POLG: variants seen among roughly 807,000 people sequenced by gnomAD.
POLG encodes DNA polymerase subunit gamma-1.
POLG carries 110 observed loss-of-function variants against 155.4 expected under a neutral mutation model. The observed-to-expected ratio is 0.71, with a 90% CI of 0.61 to 0.83. The LOEUF (loss-of-function observed/expected upper bound fraction) is 0.83, where lower values mean the gene tolerates loss of function less well. POLG is among the 40% of genes least tolerant of loss of function. POLG has a pLI of 0.00. For missense variants in POLG, 1,685 were observed against 1,627.5 expected, an observed-to-expected ratio of 1.04 and a Z score of -0.61; for synonymous variants, 701 against 631.5, an observed-to-expected ratio of 1.11 and a Z score of -1.65.
intron 10 of POLG, among the ~76,000 whole-genome samples, chr15:89,325,181 AGTGAGTGAGT>A (rs1169762322): frequency 1.1e-5 from 1 of 90,382 alleles, no homozygotes; most frequent in African/African-American, 4.7e-5. Flanking sequence ...AGAGTGAGAG[AGTGAGTGAGT>A]GAGAGAGTGA....
rs1057524724 is a variant in POLG, at chr15:89,333,374, C to A, written c.381G>T (p.Leu127=). The change falls in exon 2 of 23, where the codon CTG becomes CTT. Residue 127 remains leucine (L), a synonymous_variant. Coordinates refer to ENST00000268124, the MANE Select transcript of POLG (RefSeq NM_002693.3). ...AVPLPDVELR[L]PPLYGDNLDQ... is the part of the protein sequence containing the mutation. ...CCAGGTTGTCCCCGTAGAGGGGCGG[C>A]AGGCGCAGCTCCACGTCGGGCAAGG... The A allele has an allele frequency of 7.0e-6, 11 of 1,579,008 alleles. No homozygotes were observed. The highest frequency in any genetic ancestry group is 8.6e-6 in the Non-Finnish European group (10 of 1,165,590).
Position 89,316,501 on chromosome 15 carries a change from C to A in POLG, c.*250G>T. ...AATGTGAACTTTGGGGCTTCTGCTT[C>A]ATTTTTACCCAACAAGCAACAATGC... On this transcript the variant is annotated 3_prime_UTR_variant, in exon 23 of 23. Transcript: ENST00000268124. 2 of 1,568,064 alleles carry A rather than the reference C, an allele frequency of 1.3e-6. No individual in the cohort carries two copies. Among genetic ancestry groups the A allele is most frequent in the Non-Finnish European group, 1.7e-6 (2 of 1,150,144 alleles).
chr15:89,319,616 TC>T (rs1410196816), intron 18 of POLG, among the ~76,000 whole-genome samples: 1 of 152,068 alleles, frequency 6.6e-6, no homozygotes, highest in Non-Finnish European at 1.5e-5. Flanking sequence ...GGACAAAGAC[TC>T]CAGCACAGGA....
At position 89,325,532 on chromosome 15, in the gene POLG, A is replaced by G. The variant is rs548491099; in HGVS notation, c.1867T>C (p.Leu623=). 2.3e-5 allele frequency: 37 copies of G among 1,612,940 alleles called. No individual in the cohort carries two copies. In the East Asian group the frequency reaches 5.3e-4, roughly 23 times the overall value. ...AGGTTGTCCCGCCGCCCAGGCACCAAGTAGCCCCAGCCATGACGCTCTGAG... is the reference window on the plus strand; with the variant it reads ...AGGTTGTCCCGCCGCCCAGGCACCAGGTAGCCCCAGCCATGACGCTCTGAG... The part of the protein sequence containing the change: ...HYSERHGWGY[L]VPGRRDNLAK... Residue 623 remains leucine, a synonymous_variant, in exon 10 of 23, where the codon TTG becomes CTG. Coordinates refer to ENST00000268124, the MANE Select transcript of POLG (RefSeq NM_002693.3).
chr15:89,331,002 T>G (rs1326452103), intron 2 of POLG, among the ~76,000 whole-genome samples: 4 of 152,130 alleles, frequency 2.6e-5, no homozygotes, highest in Admixed American at 6.5e-5. Context: ...AGGCTAGGTG[T>G]AGGGGAATGG....
At chr15:89,319,382 G>T (rs1414475850) in intron 18 of POLG, 32 bp from the exon 19 acceptor site, 1 of 1,611,786 alleles carries the variant, frequency 6.2e-7, no homozygotes, top group Admixed American at 1.7e-5. Context: ...TCATTCCACG[G>T]GAGTGCTTCC....
intron 12 of POLG, 78 bp downstream of exon 12, chr15:89,323,737 G>A: frequency 8.3e-7 from 1 of 1,211,818 alleles, no homozygotes; most frequent in East Asian, 2.3e-5. Flanking sequence ...AACTCTGGCT[G>A]GGAAGAACTA....
chr15:89,328,462 A>T lies in POLG; in HGVS notation c.1244T>A (p.Leu415Ter). Residue 415 changes from leucine to a stop codon, truncating the protein, a stop_gained, in exon 6 of 23, where the codon TTG (leucine) becomes TAG (stop). Transcript: ENST00000268124. LOFTEE classifies it high-confidence loss of function. The part of the protein sequence containing the change: ...EVFQQQLPLF[L>*]ERCPHPVTLA... Reference sequence around the variant, plus strand: ...CACATGGGCTCCCCCTCACCTCTCCAAGAAGAGCGGTAGCTGCTGCTGGAA... The same window carrying T: ...CACATGGGCTCCCCCTCACCTCTCCTAGAAGAGCGGTAGCTGCTGCTGGAA... The T allele has an allele frequency of 6.2e-7, 1 of 1,612,816 alleles. No individual in the cohort carries two copies. The highest frequency in any genetic ancestry group is 8.5e-7 in the Non-Finnish European group (1 of 1,179,080).
chr15:89,328,641 G>T, intron 5 of POLG, 44 bp downstream of exon 5: 1 of 1,612,666 alleles, frequency 6.2e-7, no homozygotes, highest in Non-Finnish European at 8.5e-7. Flanking sequence ...GCAGCTAGGG[G>T]TGTGCCACAG....
Position 89,333,129 on chromosome 15 carries a change from G to A in POLG, c.626C>T (p.Pro209Leu). The A allele has an allele frequency of 6.6e-7, 1 of 1,525,680 alleles. No homozygotes were observed. The highest frequency in any genetic ancestry group is 8.8e-7 in the Non-Finnish European group (1 of 1,136,702). 94.5% of individuals were successfully genotyped at this position (1,525,680 alleles called of 1,614,324 possible). ...GGGGGATATGGCCACCGCCAATGTG[G>A]GGCAAGTTCCCTCTGCCAAGCAGAC... Reference protein sequence around the residue: ...VEVCLAEGTCPTLAVAISPSA... With the variant: ...VEVCLAEGTCLTLAVAISPSA... The change falls in exon 2 of 23, where the codon CCC becomes CTC. Residue 209 changes from proline (P) to leucine (L), a missense_variant. Around this residue, in one of 3 missense-constraint regions of POLG, gnomAD observed 1,210 missense variants for 1,167.1 expected, o/e 1.04. Transcript: ENST00000268124.
At position 89,327,214 on chromosome 15, in the gene POLG, C is replaced by T. The variant is rs62640034; in HGVS notation, c.1386G>A (p.Ser462=). The T allele has an allele frequency of 1.3e-4, 208 of 1,614,246 alleles. 1 individual carries two copies. In the African/African-American group the frequency reaches 2.1e-3, roughly 17 times the overall value. The change falls in exon 7 of 23, where the codon TCG becomes TCA. Residue 462 remains serine, a synonymous_variant. Coordinates refer to ENST00000268124, the MANE Select transcript of POLG (RefSeq NM_002693.3). ...YEELQREMKK[S]LMDLANDACQ... ...AGGCATCATTGGCCAGATCCATCAACGACTTCTTCATCTCCCGCTGGAGCT... is the reference window on the plus strand; with the variant it reads ...AGGCATCATTGGCCAGATCCATCAATGACTTCTTCATCTCCCGCTGGAGCT...
intron 2 of POLG, 21 bp downstream of exon 2, chr15:89,333,075 C>G (rs1299636864): frequency 6.6e-7 from 1 of 1,508,718 alleles, no homozygotes; most frequent in Non-Finnish European, 8.9e-7. Context: ...TGCTTATGTC[C>G]CCAACCCTGC....
In POLG at chr15:89,329,091, A is replaced by T; in HGVS notation, c.875T>A (p.Leu292Gln). 1 of 1,612,598 alleles carries T rather than the reference A, an allele frequency of 6.2e-7. No individual in the cohort carries two copies. The highest frequency in any genetic ancestry group is 1.1e-5 in the South Asian group (1 of 91,024). ...GGCCATGTGCATGCTCATGGTGTCCAGGAAACGCATGCGGGAACCCTGAGG... is the reference window on the plus strand; with the variant it reads ...GGCCATGTGCATGCTCATGGTGTCCTGGAAACGCATGCGGGAACCCTGAGG... ...YLIQGSRMRF[L>Q]DTMSMHMAIS... The change falls in exon 4 of 23, where the codon CTG becomes CAG. Residue 292 changes from leucine to glutamine, a missense_variant. Around this residue, in one of 3 missense-constraint regions of POLG, gnomAD observed 1,210 missense variants for 1,167.1 expected, o/e 1.04. Coordinates refer to ENST00000268124, the MANE Select transcript of POLG (RefSeq NM_002693.3).
In POLG at chr15:89,321,231, G is replaced by A. The variant is rs1422065234; in HGVS notation, c.2628C>T (p.Ala876=). Residue 876 remains alanine (A), a synonymous_variant, in exon 17 of 23, where the codon GCC becomes GCT. Transcript: ENST00000268124. ...RPDRVGSELK[A]MVQAPPGYTL... is the part of the protein sequence containing the mutation. ...TGTAGCCAGGTGGGGCCTGCACCAT[G>A]GCTTTCAACTCACTGCCTACTCGGT... 2 of 1,614,158 alleles carry A rather than the reference G, an allele frequency of 1.2e-6. No individual in the cohort carries two copies. The highest frequency in any genetic ancestry group is 3.3e-5 in the Admixed American group (2 of 60,026).
chr15:89,329,323 A>G (rs184251976), intron 3 of POLG, among the ~76,000 whole-genome samples: 2 of 152,326 alleles, frequency 1.3e-5, no homozygotes, highest in Admixed American at 1.3e-4. Flanking sequence ...CCCAAATCCT[A>G]GCCACCCTTT....
At chr15:89,328,266 C>T (rs1364104877) in intron 6 of POLG, among the ~76,000 whole-genome samples, 190 bp downstream of exon 6, 1 of 152,206 alleles carries the variant, frequency 6.6e-6, no homozygotes, top group Non-Finnish European at 1.5e-5. Context: ...TGGCCCTCCC[C>T]TTCAGGGCCT....
chr15:89,324,677 G>A (rs1264166918), intron 10 of POLG, among the ~76,000 whole-genome samples: 1 of 152,200 alleles, frequency 6.6e-6, no homozygotes, highest in East Asian at 1.9e-4. Flanking sequence ...GCCACTGTAA[G>A]TTTCTCCCCA....
intron 18 of POLG, among the ~76,000 whole-genome samples, chr15:89,320,194 A>G (rs927351972): frequency 6.6e-6 from 1 of 152,238 alleles, no homozygotes; most frequent in Non-Finnish European, 1.5e-5. Context: ...TTAAATGTGG[A>G]CAGTGTACTG....
In POLG at chr15:89,325,155, T is replaced by TGAGAGAGTGA. The variant is rs1170735559; in HGVS notation, c.1949+294_1949+295insTCACTCTCTC. On this transcript the variant is annotated intron_variant, in intron 10 of 22. Coordinates refer to ENST00000268124, the MANE Select transcript of POLG (RefSeq NM_002693.3). ...GAGAGTGAGTGAGAGAGTGAGTGAG[T>TGAGAGAGTGA]GAGTGAGTGAGTGAGAGAGTGAGAG... Among the ~76,000 whole-genome samples the TGAGAGAGTGA allele has an allele frequency of 1.1e-4, 5 of 43,922 alleles. 1 individual carries two copies. Among genetic ancestry groups the TGAGAGAGTGA allele is most frequent in the African/African-American group, 8.0e-4 (5 of 6,246 alleles). 28.8% of individuals were successfully genotyped at this position (43,922 alleles called of 152,430 possible).
Sources: allele counts gnomAD v4.1 joint callset (sites outside exome capture counted in the v4.1 genomes callset), GRCh38; gene constraint gnomAD v4.1.1; regional missense constraint gnomAD v4.1.1; transcripts MANE v1.5; gene names NCBI Gene and HGNC (gene_info 2026-07-23, HGNC 2026-07-21).